The following MID1 variants were observed in gnomAD, a reference collection of about 807,000 sequenced individuals.
The protein encoded by MID1 is E3 ubiquitin-protein ligase Midline-1.
Under a neutral mutation model 40.4 loss-of-function variants are expected in MID1, and 7 were observed. That is an observed-to-expected ratio of 0.17 (90% confidence interval 0.10 to 0.33). The LOEUF (loss-of-function observed/expected upper bound fraction) is 0.33, where lower values mean the gene tolerates loss of function less well. Ranked by LOEUF, MID1 falls within the 10% of genes least tolerant of loss-of-function variation. MID1 has a pLI of 1.00. For missense variants in MID1, 367 were observed against 558.5 expected, an observed-to-expected ratio of 0.66 and a Z score of 3.46; for synonymous variants, 229 against 221.2, an observed-to-expected ratio of 1.04 and a Z score of -0.31.
chrX:10,579,283 T>C (rs1223554409), intron 1 of MID1, among the ~76,000 whole-genome samples: 1 of 112,105 alleles, frequency 8.9e-6, no homozygotes, highest in Non-Finnish European at 1.9e-5. Context: ...GTATAATAGA[T>C]TGTGCCCTGG....
At chrX:10,755,331 T>C (rs2043626090) in intron 1 of MID1, among the ~76,000 whole-genome samples, 1 of 111,539 alleles carries the variant, frequency 9.0e-6, no homozygotes, top group African/African-American at 3.3e-5. Context: ...CATTTTCCCG[T>C]ATATAGATTT....
At chrX:10,568,703 C>T (rs1359063060) in intron 1 of MID1, among the ~76,000 whole-genome samples, 2 of 110,997 alleles carry the variant, frequency 1.8e-5, no homozygotes, top group African/African-American at 6.6e-5. Context: ...CTGCCTGCTC[C>T]CCTTGCCATA....
At chrX:10,703,822 T>C (rs1424833010) in intron 1 of MID1, among the ~76,000 whole-genome samples, 5 of 112,216 alleles carry the variant, frequency 4.5e-5, no homozygotes, top group Non-Finnish European at 9.4e-5. Context: ...TTTTCCAATA[T>C]AATTTTCTCA....
intron 2 of MID1, among the ~76,000 whole-genome samples, chrX:10,539,084 A>T (rs1933370594): frequency 8.9e-6 from 1 of 112,490 alleles, no homozygotes; most frequent in Non-Finnish European, 1.9e-5. Context: ...CTTAGACTAC[A>T]TGTGCTGACA....
intron 1 of MID1, among the ~76,000 whole-genome samples, chrX:10,605,618 C>A (rs900472259): frequency 8.9e-6 from 1 of 111,828 alleles, no homozygotes; most frequent in Non-Finnish European, 1.9e-5. Context: ...ATCTACTAAA[C>A]CCTTTGGGCA....
intron 1 of MID1, among the ~76,000 whole-genome samples, chrX:10,723,621 C>G (rs4625185): frequency 0.12 from 13,316 of 111,783 alleles, 1,346 homozygotes; most frequent in African/African-American, 0.34. Context: ...GCGCGATCTC[C>G]GCTCACTGCA....
Position 10,565,863 on chromosome X carries a change from G to A in MID1, c.660+1025C>T, listed in dbSNP as rs1373996173. On this transcript the variant is annotated intron_variant, in intron 2 of 9. Transcript: ENST00000317552. The stretch of plus-strand genomic sequence containing the variant: ...CTCGCTCTTTCACCCAGGCTGGAGC[G>A]CAGTGGCGCGATCTTGGGTCACTGC... Among the ~76,000 whole-genome samples, 12 of 104,795 alleles carry A rather than the reference G, an allele frequency of 1.1e-4. No homozygotes were observed. The South Asian group carries it at 1.3e-3, about 12-fold the overall frequency. 91.0% of individuals were successfully genotyped at this position (104,795 alleles called of 115,157 possible). A position where few individuals can be genotyped will look rare whatever the true frequency, so the allele number is the denominator to read the frequency against.
At chrX:10,598,465 T>C (rs147072404) in intron 1 of MID1, among the ~76,000 whole-genome samples, 4,739 of 111,949 alleles carry the variant, frequency 0.042, 94 homozygotes, top group African/African-American at 0.075. Context: ...ACTCCTTGGA[T>C]TGTGTTGTGT....
chrX:10,591,991 G>A (rs999894661), intron 1 of MID1, among the ~76,000 whole-genome samples: 4 of 110,439 alleles, frequency 3.6e-5, no homozygotes, highest in African/African-American at 1.3e-4. Flanking sequence ...GGTAATGATC[G>A]AGCGTCTTTA....
At chrX:10,532,338 T>C (rs927577349) in intron 2 of MID1, among the ~76,000 whole-genome samples, 2 of 111,679 alleles carry the variant, frequency 1.8e-5, no homozygotes, top group African/African-American at 3.3e-5. Context: ...CAAAAACTTT[T>C]TTAAAAATTA....
intron 2 of MID1, among the ~76,000 whole-genome samples, chrX:10,536,971 T>C (rs749867349): frequency 9.0e-6 from 1 of 111,673 alleles, no homozygotes; most frequent in African/African-American, 3.3e-5. Flanking sequence ...AAGGGGGTTA[T>C]GAGCCAATGT....
At chrX:10,657,444 TATG>T (rs1451261812) in intron 1 of MID1, among the ~76,000 whole-genome samples, 1 of 111,721 alleles carries the variant, frequency 9.0e-6, no homozygotes, top group East Asian at 2.8e-4. Flanking sequence ...AGCACAATAA[TATG>T]ATGATGATCA....
intron 2 of MID1, among the ~76,000 whole-genome samples, chrX:10,536,659 A>G: frequency 8.9e-6 from 1 of 112,433 alleles, no homozygotes; most frequent in Non-Finnish European, 1.9e-5. Context: ...TAGAATCTAG[A>G]AGGTAGACCA....
intron 1 of MID1, among the ~76,000 whole-genome samples, chrX:10,783,873 T>C (rs1229280097): frequency 4.6e-5 from 5 of 107,907 alleles, no homozygotes; most frequent in Non-Finnish European, 7.6e-5. Context: ...AAAACAGACT[T>C]GTAGCTCTTT....
chrX:10,484,137 C>T (rs187562218), intron 4 of MID1, among the ~76,000 whole-genome samples: 6 of 111,847 alleles, frequency 5.4e-5, no homozygotes, highest in African/African-American at 1.6e-4. Context: ...GCATCCAGTA[C>T]GCGCAGGATA....
chrX:10,702,091 T>G (rs1346726275), intron 1 of MID1, among the ~76,000 whole-genome samples: 1 of 112,799 alleles, frequency 8.9e-6, no homozygotes, highest in Non-Finnish European at 1.9e-5. Context: ...CAAAGAATAT[T>G]TCTATCTTAA....
intron 3 of MID1, among the ~76,000 whole-genome samples, chrX:10,512,006 T>C (rs1394723994): frequency 2.7e-5 from 3 of 112,493 alleles, no homozygotes; most frequent in African/African-American, 9.7e-5. Context: ...CATTTCGGAT[T>C]TTGGATTTTC....
chrX:10,569,171 A>G (rs1187648138), intron 1 of MID1, among the ~76,000 whole-genome samples: 1 of 112,453 alleles, frequency 8.9e-6, no homozygotes, highest in African/African-American at 3.2e-5. Flanking sequence ...TGCTTTGGTG[A>G]AATTAATGCT....
In MID1 at chrX:10,454,849, CAATAGA is replaced by C. The variant is rs758006430; in HGVS notation, c.1655+15_1655+20del. 8.5e-7 allele frequency: 1 copy of C among 1,171,842 alleles called. No individual in the cohort carries two copies. Among genetic ancestry groups the C allele is most frequent in the East Asian group, 3.0e-5 (1 of 33,633 alleles). On this transcript the variant is annotated intron_variant, in intron 9 of 9. Transcript: ENST00000317552. ...GATGTGCCTTTTTATAACTGCAGGA[CAATAGA>C]AATAAGTTGCTTACCATGTGCTTCC... is the stretch of plus-strand genomic sequence containing the variant.
Sources: allele counts gnomAD v4.1 joint callset (sites outside exome capture counted in the v4.1 genomes callset), GRCh38; gene constraint gnomAD v4.1.1; transcripts MANE v1.5; gene names NCBI Gene and HGNC (gene_info 2026-07-23, HGNC 2026-07-21).